PDGFC: variants seen among roughly 807,000 people sequenced by gnomAD.
PDGFC encodes platelet-derived growth factor C.
PDGFC carries 12 observed loss-of-function variants against 35.5 expected under a neutral mutation model. The observed-to-expected ratio is 0.34, with a 90% CI of 0.22 to 0.55. The LOEUF is 0.55. Among genes scored for constraint, PDGFC ranks in the 20% least tolerant of loss-of-function variants. PDGFC has a pLI of 0.91. For missense variants in PDGFC, 322 were observed against 412.4 expected, an observed-to-expected ratio of 0.78 and a Z score of 1.90; for synonymous variants, 159 against 148.8, an observed-to-expected ratio of 1.07 and a Z score of -0.50.
chr4:156,825,140 G>A (rs377401525), intron 2 of PDGFC, among the ~76,000 whole-genome samples: 79 of 152,210 alleles, frequency 5.2e-4, no homozygotes, highest in African/African-American at 1.7e-3. Context: ...ACACAGTCGA[G>A]GTAGGCAGAT....
In PDGFC at chr4:156,930,231, G is replaced by A. The variant is rs149922215; in HGVS notation, c.118+40555C>T. 7.2e-5 allele frequency among the ~76,000 whole-genome samples: 11 copies of A among 152,238 alleles called. No individual in the cohort carries two copies. In the East Asian group the frequency reaches 1.2e-3, roughly 16 times the overall value. Reference sequence around the variant, plus strand: ...TTCACAAAATCCTATATAGTTTGTCGTTATTGCTATATGATTTTTCCAGGC... The same window carrying A: ...TTCACAAAATCCTATATAGTTTGTCATTATTGCTATATGATTTTTCCAGGC... On this transcript the variant is annotated intron_variant, in intron 1 of 5. Coordinates refer to ENST00000502773, the MANE Select transcript of PDGFC (RefSeq NM_016205.3).
intron 1 of PDGFC, among the ~76,000 whole-genome samples, chr4:156,946,428 T>C (rs182957619): frequency 6.6e-6 from 1 of 152,220 alleles, no homozygotes; most frequent in Non-Finnish European, 1.5e-5. Context: ...ATAAAAATTA[T>C]AAACAAGCAT....
intron 2 of PDGFC, among the ~76,000 whole-genome samples, chr4:156,821,207 G>A (rs1037249344): frequency 1.3e-5 from 2 of 150,918 alleles, no homozygotes; most frequent in Non-Finnish European, 1.5e-5. Flanking sequence ...GTGTGTGTGT[G>A]TGTGAATGTG....
At chr4:156,828,941 T>A (rs931409108) in intron 2 of PDGFC, among the ~76,000 whole-genome samples, 2 of 152,136 alleles carry the variant, frequency 1.3e-5, no homozygotes, top group Non-Finnish European at 2.9e-5. Context: ...TTTAAGAAAA[T>A]CAATCTTCAC....
intron 1 of PDGFC, among the ~76,000 whole-genome samples, chr4:156,934,842 ACTGTCTTCCACCT>A (rs1205474703): frequency 6.6e-6 from 1 of 152,150 alleles, no homozygotes; most frequent in Non-Finnish European, 1.5e-5. Context: ...CATCAATATC[ACTGTCTTCCACCT>A]CTATATTTTA....
intron 2 of PDGFC, among the ~76,000 whole-genome samples, chr4:156,844,498 T>TGAA (rs1729278691): frequency 6.6e-6 from 1 of 152,032 alleles, no homozygotes; most frequent in Admixed American, 6.6e-5. Flanking sequence ...AGTGAAAATA[T>TGAA]GAAGATTTCT....
intron 2 of PDGFC, among the ~76,000 whole-genome samples, chr4:156,832,102 A>T (rs1728949618): frequency 1.3e-5 from 2 of 152,044 alleles, no homozygotes; most frequent in Admixed American, 1.3e-4. Context: ...TTAACTTAAT[A>T]TTAGAAATTA....
chr4:156,890,449 T>C (rs1017795408), intron 1 of PDGFC, among the ~76,000 whole-genome samples: 3 of 152,084 alleles, frequency 2.0e-5, no homozygotes, highest in Non-Finnish European at 4.4e-5. Context: ...CCGTCTCTGT[T>C]TCGAATGCCC....
At chr4:156,899,876 T>C (rs1264291009) in intron 1 of PDGFC, among the ~76,000 whole-genome samples, 1 of 152,136 alleles carries the variant, frequency 6.6e-6, no homozygotes, top group Admixed American at 6.5e-5. Flanking sequence ...AATTGCAAAA[T>C]CCAAAAGATA....
At chr4:156,883,669 T>C (rs191892120) in intron 1 of PDGFC, among the ~76,000 whole-genome samples, 6 of 152,302 alleles carry the variant, frequency 3.9e-5, no homozygotes, top group Admixed American at 3.3e-4. Flanking sequence ...TCTTAGTGTG[T>C]TTTCTTAACT....
chr4:156,761,578 G>A lies in PDGFC; in HGVS notation c.*1512C>T, dbSNP rs1560799932. ...AAATTTTATCTTTCATTTTCTCAGAGTCCAAGAAATAAATCTTGAGCACAC... is the reference window on the plus strand; with the variant it reads ...AAATTTTATCTTTCATTTTCTCAGAATCCAAGAAATAAATCTTGAGCACAC... On this transcript the variant is annotated 3_prime_UTR_variant, in exon 6 of 6. Coordinates refer to ENST00000502773, the MANE Select transcript of PDGFC (RefSeq NM_016205.3). 2 of 152,336 alleles carry A rather than the reference G, an allele frequency of 1.3e-5. No homozygotes were observed. Among genetic ancestry groups the A allele is most frequent in the Non-Finnish European group, 2.9e-5 (2 of 68,014 alleles). The allele number at this position is 152,336 out of a possible 1,614,324, so 9.4% of individuals were successfully genotyped here.
intron 2 of PDGFC, among the ~76,000 whole-genome samples, chr4:156,849,434 T>A (rs1400603819): frequency 6.6e-6 from 1 of 152,094 alleles, no homozygotes; most frequent in African/African-American, 2.4e-5. Context: ...AACTTGTATA[T>A]CAAAGAGAAA....
At chr4:156,865,909 G>A (rs976254905) in intron 1 of PDGFC, among the ~76,000 whole-genome samples, 1 of 152,046 alleles carries the variant, frequency 6.6e-6, no homozygotes, top group Non-Finnish European at 1.5e-5. Context: ...AGTTAATAGT[G>A]CTTCGTTTAA....
rs1732592243 is a variant in PDGFC at position 156,971,449 on chromosome 4, G to A, written c.-546C>T. 2.9e-6 allele frequency: 1 copy of A among 340,478 alleles called. No homozygotes were observed. The highest frequency in any genetic ancestry group is 1.5e-4 in the South Asian group (1 of 6,880). The allele number at this position is 340,478 out of a possible 1,614,324, so 21.1% of individuals were successfully genotyped here. ...CCGAAGGGGGAGGGGGAAGAAACAAGGCGAGGGCGCCGCGGCGGGTCCCAC... is the reference window on the plus strand; with the variant it reads ...CCGAAGGGGGAGGGGGAAGAAACAAAGCGAGGGCGCCGCGGCGGGTCCCAC... On this transcript the variant is annotated 5_prime_UTR_variant, in exon 1 of 6. Transcript: ENST00000502773.
chr4:156,822,108 C>T (rs896873788), intron 2 of PDGFC, among the ~76,000 whole-genome samples: 2 of 151,782 alleles, frequency 1.3e-5, no homozygotes, highest in Non-Finnish European at 2.9e-5. Context: ...GCCTGTAATC[C>T]CAGCAGTTTG....
intron 2 of PDGFC, among the ~76,000 whole-genome samples, chr4:156,813,275 C>G (rs1731990957): frequency 6.6e-6 from 1 of 152,070 alleles, no homozygotes; most frequent in Non-Finnish European, 1.5e-5. Flanking sequence ...CAGGTTACCA[C>G]CACTCATTCG....
At position 156,848,886 on chromosome 4, in the gene PDGFC, C is replaced by T. The variant is rs531685905; in HGVS notation, c.314+1335G>A. On this transcript the variant is annotated intron_variant, in intron 2 of 5. Coordinates refer to ENST00000502773, the MANE Select transcript of PDGFC (RefSeq NM_016205.3). ...TGGGAACTGGAACTCTAGGAGAAAG[C>T]ACAAGAAAGTGCTAATAATACTCCA... Among the ~76,000 whole-genome samples the T allele has an allele frequency of 3.1e-4, 47 of 152,032 alleles. No homozygotes were observed. In the South Asian group the frequency reaches 8.3e-3, roughly 27 times the overall value.
chr4:156,771,840 A>G (rs1487751882), intron 4 of PDGFC, among the ~76,000 whole-genome samples: 1 of 152,166 alleles, frequency 6.6e-6, no homozygotes, highest in Non-Finnish European at 1.5e-5. Context: ...ACTGTTTCTG[A>G]CAGACTAAAA....
chr4:156,891,604 T>G (rs1053364989), intron 1 of PDGFC, among the ~76,000 whole-genome samples: 1 of 152,198 alleles, frequency 6.6e-6, no homozygotes, highest in Non-Finnish European at 1.5e-5. Context: ...GGAAGTGCTT[T>G]GAGAAACAGT....
Sources: gnomAD v4.1 joint callset for allele counts (sites outside exome capture counted in the v4.1 genomes callset) on GRCh38, gnomAD v4.1.1 for gene constraint, MANE v1.5 for transcripts, NCBI Gene and HGNC (gene_info 2026-07-23, HGNC 2026-07-21) for gene names.